RBPMS: variants seen among roughly 807,000 people sequenced by gnomAD.
The protein encoded by RBPMS is RNA binding protein, mRNA processing factor.
RBPMS carries 7 observed loss-of-function variants against 26.8 expected under a neutral mutation model. The ratio of observed to expected loss-of-function variants is 0.26; its 90% confidence interval spans 0.15 to 0.49. The LOEUF (loss-of-function observed/expected upper bound fraction) is 0.49, where lower values mean the gene tolerates loss of function less well. RBPMS is among the 20% of genes least tolerant of loss of function. The pLI, the probability that RBPMS is intolerant of heterozygous loss-of-function variation, is 0.98. For missense variants in RBPMS, 186 were observed against 250.0 expected, an observed-to-expected ratio of 0.74 and a Z score of 1.73; for synonymous variants, 96 against 93.3, an observed-to-expected ratio of 1.03 and a Z score of -0.17.
chr8:30,493,989 T>C (rs1322771528), intron 4 of RBPMS, among the ~76,000 whole-genome samples: 2 of 152,188 alleles, frequency 1.3e-5, no homozygotes, highest in Admixed American at 6.5e-5. Context: ...AAGAAATTAA[T>C]TGGGCTGGGG....
chr8:30,507,491 C>T (rs980882128), intron 5 of RBPMS, among the ~76,000 whole-genome samples: 2 of 152,192 alleles, frequency 1.3e-5, no homozygotes, highest in African/African-American at 4.8e-5. Context: ...GTTGTCATCA[C>T]AGTTTGAGTG....
intron 1 of RBPMS, among the ~76,000 whole-genome samples, chr8:30,425,864 A>T (rs1298404678): frequency 6.6e-6 from 1 of 152,096 alleles, no homozygotes; most frequent in Non-Finnish European, 1.5e-5. Context: ...TTTCATGGGT[A>T]AAAAAACAGC....
At chr8:30,505,032 G>A (rs1820944023) in intron 5 of RBPMS, among the ~76,000 whole-genome samples, 1 of 152,152 alleles carries the variant, frequency 6.6e-6, no homozygotes, top group Non-Finnish European at 1.5e-5. Flanking sequence ...CTGGCTAATT[G>A]CTCAAGACGT....
rs552478513 is a variant in RBPMS, at chr8:30,392,859, ACT to A, written c.66+7702_66+7703del. ...AAGGTACCTAGGAGATGAAGATGTT[ACT>A]GAGTCTGGGGTGCAGAGGAGAGGTC... On this transcript the variant is annotated intron_variant, in intron 1 of 8. Coordinates refer to ENST00000397323, the MANE Select transcript of RBPMS (RefSeq NM_001008710.3). 3.0e-3 allele frequency among the ~76,000 whole-genome samples: 452 copies of A among 152,252 alleles called. 2 individuals are homozygous for A. The highest frequency in any genetic ancestry group is 0.01 in the African/African-American group (429 of 41,564).
At chr8:30,504,195 A>C (rs1296292370) in intron 4 of RBPMS, 91 bp from the exon 5 acceptor site, 1 of 1,370,360 alleles carries the variant, frequency 7.3e-7, no homozygotes, top group Non-Finnish European at 1.0e-6. Flanking sequence ...TTCCTGATAG[A>C]CCAGGGTTTA....
rs1165809533 is a variant in RBPMS, at chr8:30,474,689, T to G, written c.67-90T>G. ...TGAATTTAGTATGAGTTGTGGAATA[T>G]TTGGAATAATATGTTTCTGAGATAT... On this transcript the variant is annotated intron_variant, in intron 1 of 8. Coordinates refer to ENST00000397323, the MANE Select transcript of RBPMS (RefSeq NM_001008710.3). The G allele has an allele frequency of 4.0e-6, 3 of 749,790 alleles. No individual in the cohort carries two copies. In the East Asian group the frequency reaches 7.5e-5, roughly 19 times the overall value. 46.4% of individuals were successfully genotyped at this position (749,790 alleles called of 1,614,324 possible).
At chr8:30,462,797 T>A (rs185112144) in intron 1 of RBPMS, among the ~76,000 whole-genome samples, 1 of 152,070 alleles carries the variant, frequency 6.6e-6, no homozygotes, top group Non-Finnish European at 1.5e-5. Flanking sequence ...ATTTTCCTGA[T>A]GGGCCAAAAG....
At chr8:30,516,903 T>TACACACACACACACACACACACACACAC (rs139256402) in intron 5 of RBPMS, among the ~76,000 whole-genome samples, 28 of 147,284 alleles carry the variant, frequency 1.9e-4, no homozygotes, top group Admixed American at 7.6e-4. Flanking sequence ...CATCTCTAAA[T>TACACACACACACACACACACACACACAC]ACACACACAC....
intron 4 of RBPMS, among the ~76,000 whole-genome samples, chr8:30,489,467 CT>C (rs1206766379): frequency 6.6e-6 from 1 of 151,160 alleles, no homozygotes; most frequent in Non-Finnish European, 1.5e-5. Context: ...CTTTTCTTTT[CT>C]TTTTTTCGAG....
At chr8:30,556,330 C>A in intron 6 of RBPMS, 1 of 985,686 alleles carries the variant, frequency 1.0e-6, no homozygotes, top group Non-Finnish European at 1.2e-6. Flanking sequence ...CTGACGAGAG[C>A]CTGAAGACGG....
rs185078214 is a variant in RBPMS at position 30,545,097 on chromosome 8, G to A, written c.528+473G>A. On this transcript the variant is annotated intron_variant, in intron 6 of 8. Transcript: ENST00000397323. ...CTCTGACCAAAGGGAAAGCTTCCAG[G>A]GGGGAAGGCTGTACTTTCTTAAATA... The A allele has an allele frequency of 1.5e-4, 197 of 1,354,198 alleles. 1 individual carries two copies. The African/African-American group carries it at 2.6e-3, about 18-fold the overall frequency. The allele number at this position is 1,354,198 out of a possible 1,614,324, so 83.9% of individuals were successfully genotyped here.
At position 30,385,063 on chromosome 8, in the gene RBPMS, T is replaced by TGCCCG. The variant is rs759557911; in HGVS notation, c.-22_-18dup. On this transcript the variant is annotated 5_prime_UTR_variant, in exon 1 of 9. Coordinates refer to ENST00000397323, the MANE Select transcript of RBPMS (RefSeq NM_001008710.3). The stretch of plus-strand genomic sequence containing the variant: ...CTCGCCCAGCCCCGCGCCCCAGCCC[T>TGCCCG]GCCCGGCCCGGCGAGGAAGGACCGG... 8 of 1,490,922 alleles carry TGCCCG rather than the reference T, an allele frequency of 5.4e-6. No homozygotes were observed. The East Asian group carries it at 1.2e-4, about 22-fold the overall frequency. The allele number at this position is 1,490,922 out of a possible 1,614,324, so 92.4% of individuals were successfully genotyped here. A position where few individuals can be genotyped will look rare whatever the true frequency, so the allele number is the denominator to read the frequency against.
chr8:30,510,294 C>G (rs1821452657), intron 5 of RBPMS, among the ~76,000 whole-genome samples: 1 of 152,138 alleles, frequency 6.6e-6, no homozygotes, highest in African/African-American at 2.4e-5. Context: ...TTGAATGATT[C>G]ATAGGCCTTT....
intron 8 of RBPMS, among the ~76,000 whole-genome samples, chr8:30,569,286 T>C (rs1285419978): frequency 6.6e-6 from 1 of 152,216 alleles, no homozygotes; most frequent in Non-Finnish European, 1.5e-5. Flanking sequence ...GGTTTGCATT[T>C]GGGCCACCTG....
intron 1 of RBPMS, among the ~76,000 whole-genome samples, chr8:30,430,153 G>T (rs903646598): frequency 5.9e-5 from 9 of 152,276 alleles, no homozygotes; most frequent in Non-Finnish European, 1.3e-4. Context: ...GCGCCCGCCT[G>T]TAGTCCCAGC....
chr8:30,432,893 T>G (rs1023924458), intron 1 of RBPMS, among the ~76,000 whole-genome samples: 1 of 152,246 alleles, frequency 6.6e-6, no homozygotes, highest in Non-Finnish European at 1.5e-5. Flanking sequence ...AAGATCCTTT[T>G]CGCTTAAACA....
chr8:30,472,646 A>G (rs978658860), intron 1 of RBPMS, among the ~76,000 whole-genome samples: 1 of 152,276 alleles, frequency 6.6e-6, no homozygotes, highest in Non-Finnish European at 1.5e-5. Context: ...GGGGCTATTT[A>G]CATCATTATA....
chr8:30,504,595 A>G lies in RBPMS; in HGVS notation c.397+159A>G, dbSNP rs1585689286. ...TTCTTGGTGTCAGAATTCCAAATAC[A>G]GCAATCTTGTTTGTGATTGGCTTCC... On this transcript the variant is annotated intron_variant, in intron 5 of 8. Coordinates refer to ENST00000397323, the MANE Select transcript of RBPMS (RefSeq NM_001008710.3). Among the ~76,000 whole-genome samples, 8 of 152,350 alleles carry G rather than the reference A, an allele frequency of 5.3e-5. 1 individual carries two copies. In the South Asian group the frequency reaches 1.7e-3, roughly 32 times the overall value.
At chr8:30,435,755 C>A (rs1047004720) in intron 1 of RBPMS, among the ~76,000 whole-genome samples, 3 of 152,132 alleles carry the variant, frequency 2.0e-5, no homozygotes, top group African/African-American at 7.2e-5. Flanking sequence ...CTTGAAGAGT[C>A]TTCAAAGATA....
Sources: allele counts gnomAD v4.1 joint callset (sites outside exome capture counted in the v4.1 genomes callset), GRCh38; gene constraint gnomAD v4.1.1; transcripts MANE v1.5; gene names NCBI Gene and HGNC (gene_info 2026-07-23, HGNC 2026-07-21).